The following XKR4 variants were observed in gnomAD, a reference collection of about 807,000 sequenced individuals.
XKR4 encodes XK-related protein 4.
In XKR4, 12 loss-of-function variants were observed where a neutral mutation model predicts 53.9. That is an observed-to-expected ratio of 0.22 (90% CI 0.14 to 0.36). XKR4 has a LOEUF of 0.36. Among genes scored for constraint, XKR4 ranks in the 10% least tolerant of loss-of-function variants. The probability of loss-of-function intolerance (pLI) is 1.00; values close to 1 mark genes in which losing one functional copy is unlikely to be tolerated. For missense variants in XKR4, 799 were observed against 859.5 expected, an observed-to-expected ratio of 0.93 and a Z score of 0.88; for synonymous variants, 354 against 362.4, an observed-to-expected ratio of 0.98 and a Z score of 0.26.
intron 2 of XKR4, among the ~76,000 whole-genome samples, chr8:55,515,671 G>A (rs1806702265): frequency 6.6e-6 from 1 of 152,174 alleles, no homozygotes; most frequent in South Asian, 2.1e-4. Flanking sequence ...GAGGAGAAAA[G>A]CATGGCTTTC....
At chr8:55,319,275 C>T (rs560518475) in intron 1 of XKR4, among the ~76,000 whole-genome samples, 19 of 152,172 alleles carry the variant, frequency 1.2e-4, no homozygotes, top group African/African-American at 4.3e-4. Flanking sequence ...TTGATACCTA[C>T]AAGTAAGGTA....
chr8:55,414,243 T>C (rs1192771298), intron 2 of XKR4, among the ~76,000 whole-genome samples: 3 of 152,222 alleles, frequency 2.0e-5, no homozygotes, highest in African/African-American at 7.2e-5. Flanking sequence ...GTTGCCTAAC[T>C]GTTCCTTGGT....
chr8:55,231,869 G>A (rs1818045714), intron 1 of XKR4, among the ~76,000 whole-genome samples: 1 of 152,184 alleles, frequency 6.6e-6, no homozygotes, highest in South Asian at 2.1e-4. Flanking sequence ...ACCACTCTGT[G>A]TACATGAAGA....
At chr8:55,265,857 C>T (rs1818592734) in intron 1 of XKR4, among the ~76,000 whole-genome samples, 2 of 151,612 alleles carry the variant, frequency 1.3e-5, no homozygotes, top group South Asian at 2.1e-4. Context: ...TGGTGGCATG[C>T]ACCTGTAGTC....
intron 1 of XKR4, among the ~76,000 whole-genome samples, chr8:55,192,147 A>G (rs1817450755): frequency 6.6e-6 from 1 of 150,682 alleles, no homozygotes; most frequent in Non-Finnish European, 1.5e-5. Flanking sequence ...TTATGCTCCA[A>G]GTCACTTCTG....
rs939434931 is a variant in XKR4 at position 55,541,142 on chromosome 8, A to C, written c.*16915A>C. On this transcript the variant is annotated 3_prime_UTR_variant, in exon 3 of 3. Transcript: ENST00000327381. The stretch of plus-strand genomic sequence containing the variant: ...AGCTACTGTTGTTTTATTTAGAAAC[A>C]TGAAACCATGCACTTTGTAATCAAT... 1.3e-5 allele frequency: 2 copies of C among 152,238 alleles called. No individual in the cohort carries two copies. Among genetic ancestry groups the C allele is most frequent in the African/African-American group, 4.8e-5 (2 of 41,464 alleles). The allele number at this position is 152,238 out of a possible 1,614,324, so 9.4% of individuals were successfully genotyped here.
At chr8:55,291,740 G>A (rs1056469583) in intron 1 of XKR4, among the ~76,000 whole-genome samples, 23 of 152,074 alleles carry the variant, frequency 1.5e-4, no homozygotes, top group African/African-American at 4.8e-4. Flanking sequence ...ACTAGTTCTA[G>A]GAGGGTTGTT....
intron 1 of XKR4, among the ~76,000 whole-genome samples, chr8:55,318,185 C>T (rs1331410115): frequency 2.6e-5 from 4 of 152,104 alleles, no homozygotes; most frequent in African/African-American, 9.7e-5. Flanking sequence ...AAGTATCTTC[C>T]TAAAAATTAC....
At position 55,103,073 on chromosome 8, in the gene XKR4, G is replaced by A. The variant is rs1383706074; in HGVS notation, c.585G>A (p.Val195=). 6.2e-7 allele frequency: 1 copy of A among 1,612,842 alleles called. No individual in the cohort carries two copies. ...CPQPGADCKT[V]VGGGSAAGEG... is the part of the protein sequence containing the mutation. ...AGCCTGGAGCCGATTGCAAGACGGT[G>A]GTCGGCGGTGGGTCTGCAGCCGGGG... The change falls in exon 1 of 3, where the codon GTG becomes GTA. Residue 195 remains valine (V), a synonymous_variant. Coordinates refer to ENST00000327381, the MANE Select transcript of XKR4 (RefSeq NM_052898.2).
chr8:55,118,865 G>A (rs1014003052), intron 1 of XKR4, among the ~76,000 whole-genome samples: 11 of 151,798 alleles, frequency 7.2e-5, no homozygotes, highest in Non-Finnish European at 1.5e-4. Flanking sequence ...TATGTTTTTC[G>A]AAGTTCATGG....
intron 2 of XKR4, among the ~76,000 whole-genome samples, chr8:55,515,828 G>A (rs899073750): frequency 6.6e-6 from 1 of 152,200 alleles, no homozygotes; most frequent in Non-Finnish European, 1.5e-5. Context: ...GAGGGGGCAA[G>A]AGTTAAAGAC....
At chr8:55,191,444 T>C (rs1325379212) in intron 1 of XKR4, among the ~76,000 whole-genome samples, 2 of 152,202 alleles carry the variant, frequency 1.3e-5, no homozygotes, top group African/African-American at 4.8e-5. Flanking sequence ...CTTTGGCCAG[T>C]AGAGCTCTTC....
chr8:55,454,333 G>T, intron 2 of XKR4: 1 of 1,502,930 alleles, frequency 6.7e-7, no homozygotes, highest in Non-Finnish European at 9.2e-7. Flanking sequence ...TGGGTGTGCT[G>T]AGGGCCTCCA....
intron 1 of XKR4, among the ~76,000 whole-genome samples, chr8:55,247,645 T>G (rs1818301866): frequency 1.3e-5 from 2 of 151,938 alleles, no homozygotes; most frequent in South Asian, 4.2e-4. Flanking sequence ...GTGCTTGAAC[T>G]CCCGAGTCAC....
intron 1 of XKR4, among the ~76,000 whole-genome samples, chr8:55,111,373 A>T (rs577428773): frequency 6.6e-6 from 1 of 152,260 alleles, no homozygotes; most frequent in South Asian, 2.1e-4. Context: ...TCACTTGCCT[A>T]GTACCTAGGG....
intron 2 of XKR4, among the ~76,000 whole-genome samples, chr8:55,448,206 T>C (rs1805373735): frequency 6.6e-6 from 1 of 152,242 alleles, no homozygotes; most frequent in African/African-American, 2.4e-5. Flanking sequence ...GGCAATTTAT[T>C]AAACTTCATT....
chr8:55,522,311 T>A (rs73595349), intron 2 of XKR4, among the ~76,000 whole-genome samples: 5,342 of 152,234 alleles, frequency 0.035, 386 homozygotes, highest in East Asian at 0.19. Context: ...TTCAGCACAA[T>A]CTTTAATCTA....
chr8:55,121,181 T>C (rs1010973374), intron 1 of XKR4, among the ~76,000 whole-genome samples: 2 of 152,252 alleles, frequency 1.3e-5, no homozygotes, highest in African/African-American at 4.8e-5. Flanking sequence ...TAAACATCTG[T>C]ATGCAGGGTT....
intron 2 of XKR4, among the ~76,000 whole-genome samples, chr8:55,393,102 A>G (rs1804465066): frequency 6.6e-6 from 1 of 152,170 alleles, no homozygotes; most frequent in African/African-American, 2.4e-5. Flanking sequence ...AGCAAGGATC[A>G]TTAAATGGAT....
Sources: gnomAD v4.1 joint callset for allele counts (sites outside exome capture counted in the v4.1 genomes callset) on GRCh38, gnomAD v4.1.1 for gene constraint, MANE v1.5 for transcripts, NCBI Gene and HGNC (gene_info 2026-07-23, HGNC 2026-07-21) for gene names.